The following LRRC41 variants were observed in gnomAD, a reference collection of about 807,000 sequenced individuals.
The protein encoded by LRRC41 is leucine rich repeat containing 41.
In LRRC41, 17 loss-of-function variants were observed where a neutral mutation model predicts 72.1. The observed-to-expected ratio is 0.24, with a 90% CI of 0.16 to 0.35. The LOEUF is 0.35. LRRC41 is among the 10% of genes least tolerant of loss of function. The pLI is 1.00. For missense variants in LRRC41, 759 were observed against 1,065.0 expected (o/e 0.71, Z 4.00); for synonymous variants, 427 against 431.0 (o/e 0.99, Z 0.11).
chr1:46,301,111 T>G (rs1661213238), intron 1 of LRRC41, among the ~76,000 whole-genome samples: 1 of 152,020 alleles, frequency 6.6e-6, no homozygotes, highest in South Asian at 2.1e-4. Flanking sequence ...CTTACCCCTT[T>G]TCCCTCCAAC....
At position 46,278,040 on chromosome 1, in the gene LRRC41, G is replaced by C. The variant is rs757133196; in HGVS notation, c.*825C>G. The C allele has an allele frequency of 1.2e-6, 2 of 1,614,110 alleles. No homozygotes were observed. Among genetic ancestry groups the C allele is most frequent in the South Asian group, 2.2e-5 (2 of 91,076 alleles). On this transcript the variant is annotated 3_prime_UTR_variant, in exon 10 of 10. Coordinates refer to ENST00000617190, the MANE Select transcript of LRRC41 (RefSeq NM_006369.5). ...CCCACACAGTAGGGAGATGGGATCT[G>C]TAGTGACTTCAGCTGTGCCTTCTGT...
intron 3 of LRRC41, among the ~76,000 whole-genome samples, chr1:46,289,678 G>A (rs1027105137): frequency 6.6e-6 from 1 of 152,056 alleles, no homozygotes; most frequent in African/African-American, 2.4e-5. Context: ...GGAGAATGGC[G>A]TGAACCCGGG....
chr1:46,303,555 C>T lies in LRRC41; in HGVS notation c.-233G>A. On this transcript the variant is annotated 5_prime_UTR_variant, in exon 1 of 10. Coordinates refer to ENST00000617190, the MANE Select transcript of LRRC41 (RefSeq NM_006369.5). ...AAGGGGATGTTTCTTAGCAAAGCCT[C>T]CTCGGGTGCAAACATCAGCTACCCC... 2 of 785,328 alleles carry T rather than the reference C, an allele frequency of 2.5e-6. No individual in the cohort carries two copies. Among genetic ancestry groups the T allele is most frequent in the Non-Finnish European group, 2.0e-6 (1 of 500,896 alleles). The allele number at this position is 785,328 out of a possible 1,614,324, so 48.6% of individuals were successfully genotyped here.
chr1:46,290,546 T>C (rs531948674), intron 3 of LRRC41, among the ~76,000 whole-genome samples: 38 of 152,356 alleles, frequency 2.5e-4, no homozygotes, highest in Non-Finnish European at 5.0e-4. Context: ...ATTTTTAGAA[T>C]ATTTTATTTT....
Position 46,277,661 on chromosome 1 carries a change from C to T in LRRC41, c.*1204G>A. 2 of 846,518 alleles carry T rather than the reference C, an allele frequency of 2.4e-6. No homozygotes were observed. Among genetic ancestry groups the T allele is most frequent in the East Asian group, 2.6e-5 (1 of 38,686 alleles). 52.4% of individuals were successfully genotyped at this position (846,518 alleles called of 1,614,324 possible). On this transcript the variant is annotated 3_prime_UTR_variant, in exon 10 of 10. Transcript: ENST00000617190. ...CAGGAGACAGACTGGGAAAATGGAC[C>T]TCAGCTGAGTAGAGATAATGTTCTG... is the stretch of plus-strand genomic sequence containing the variant.
At chr1:46,280,088 T>G in intron 7 of LRRC41, 104 bp downstream of exon 7, 1 of 854,478 alleles carries the variant, frequency 1.2e-6, no homozygotes, top group Non-Finnish European at 2.0e-6. Flanking sequence ...ATTTTATAGC[T>G]GAGGACACAA....
Position 46,302,704 on chromosome 1 carries a change from T to G in LRRC41, c.199+420A>C, listed in dbSNP as rs1472355530. On this transcript the variant is annotated intron_variant, in intron 1 of 9. Coordinates refer to ENST00000617190, the MANE Select transcript of LRRC41 (RefSeq NM_006369.5). The surrounding 1 kb of genome is among the most constrained non-coding windows in gnomAD (Gnocchi z 4.7). ...CCCCGGGCCTGGCCTGGCCTTGCCT[T>G]AGGCCGGGCCTCCTAACCTCGGCCC... 2.0e-6 allele frequency: 2 copies of G among 984,852 alleles called. No homozygotes were observed. The highest frequency in any genetic ancestry group is 2.4e-6 in the Non-Finnish European group (2 of 829,762). The allele number at this position is 984,852 out of a possible 1,614,324, so 61.0% of individuals were successfully genotyped here. A position where few individuals can be genotyped will look rare whatever the true frequency, so the allele number is the denominator to read the frequency against.
In LRRC41 at chr1:46,285,268, C is replaced by T; in HGVS notation, c.1495+94G>A. On this transcript the variant is annotated intron_variant, in intron 4 of 9. Transcript: ENST00000617190. This position sits in a 1 kb window ranked among gnomAD's most constrained non-coding sequence, Gnocchi z 5.3. Reference sequence around the variant, plus strand: ...TTCCTCTCTAACCTCCTGATCATACCCCCAATTTGCCCCTCCCACCTCCCT... The same window carrying T: ...TTCCTCTCTAACCTCCTGATCATACTCCCAATTTGCCCCTCCCACCTCCCT... 1 of 1,263,702 alleles carries T rather than the reference C, an allele frequency of 7.9e-7. No homozygotes were observed. Among genetic ancestry groups the T allele is most frequent in the Non-Finnish European group, 1.1e-6 (1 of 887,370 alleles). 78.3% of individuals were successfully genotyped at this position (1,263,702 alleles called of 1,614,324 possible). A position where few individuals can be genotyped will look rare whatever the true frequency, so the allele number is the denominator to read the frequency against.
In LRRC41 at chr1:46,281,211, A is replaced by G; in HGVS notation, c.1670T>C (p.Val557Ala). The G allele has an allele frequency of 6.2e-7, 1 of 1,614,216 alleles. No homozygotes were observed. The highest frequency in any genetic ancestry group is 8.5e-7 in the Non-Finnish European group (1 of 1,180,044). Residue 557 changes from valine to alanine, a missense_variant, in exon 5 of 10, where the codon GTT becomes GCT. Transcript: ENST00000617190. ...GTTGTCCCGCTGGCTTGGGTGGTCA[A>G]CACGAATAGAGAGGACCCGTAGCAG... ...LPLLRVLSIRVDHPSQRDNPG... is the reference protein window; with the variant it reads ...LPLLRVLSIRADHPSQRDNPG...
chr1:46,297,079 A>ACATTATATAC (rs1228975151), intron 3 of LRRC41: 4 of 153,526 alleles, frequency 2.6e-5, no homozygotes, highest in Admixed American at 2.6e-4. Context: ...CCTATACTAT[A>ACATTATATAC]TTTACATTAG....
At chr1:46,297,504 C>A in intron 3 of LRRC41, 59 bp downstream of exon 3, 1 of 1,369,270 alleles carries the variant, frequency 7.3e-7, no homozygotes, top group Non-Finnish European at 1.0e-6. Context: ...TGTTTGTGTG[C>A]TATTCCTGCT....
intron 3 of LRRC41, among the ~76,000 whole-genome samples, chr1:46,295,227 T>C (rs1661099344): frequency 6.6e-6 from 1 of 151,988 alleles, no homozygotes; most frequent in South Asian, 2.1e-4. Flanking sequence ...GCCCAGCCAG[T>C]TCTTTGTATT....
chr1:46,302,159 C>G lies in LRRC41; in HGVS notation c.199+965G>C, dbSNP rs1004738718. On this transcript the variant is annotated intron_variant, in intron 1 of 9. Transcript: ENST00000617190. This position sits in a 1 kb window ranked among gnomAD's most constrained non-coding sequence, Gnocchi z 4.7. ...CCATCCAGGCCCGGCCCTTTGGTCC[C>G]GGCCGCCTTCAGGCCTGGGGCCCCC... 6.1e-6 allele frequency: 6 copies of G among 985,220 alleles called. 1 individual carries two copies. The East Asian group carries it at 4.6e-4, about 75-fold the overall frequency. 61.0% of individuals were successfully genotyped at this position (985,220 alleles called of 1,614,324 possible).
rs913930562 is a variant in LRRC41, at chr1:46,303,251, C to T, written c.72G>A (p.Glu24=). ...CTGGCGCCGCCTCCCGGGACGTGGC[C>T]TCCATGGTCGTTGCCGCCGCTACCT... The part of the protein sequence containing the change: ...FCEVAAATTM[E]ATSREAAPAK... The change falls in exon 1 of 10, where the codon GAG becomes GAA. Residue 24 remains glutamate, a synonymous_variant. Coordinates refer to ENST00000617190, the MANE Select transcript of LRRC41 (RefSeq NM_006369.5). The T allele has an allele frequency of 1.9e-6, 3 of 1,550,562 alleles. No homozygotes were observed. Among genetic ancestry groups the T allele is most frequent in the Middle Eastern group, 1.7e-4 (1 of 5,944 alleles).
chr1:46,278,064 GTC>G lies in LRRC41; in HGVS notation c.*799_*800del, dbSNP rs1660671847. The G allele has an allele frequency of 1.2e-6, 2 of 1,614,154 alleles. No homozygotes were observed. Among genetic ancestry groups the G allele is most frequent in the East Asian group, 4.5e-5 (2 of 44,892 alleles). On this transcript the variant is annotated 3_prime_UTR_variant, in exon 10 of 10. Coordinates refer to ENST00000617190, the MANE Select transcript of LRRC41 (RefSeq NM_006369.5). ...TGTAGTGACTTCAGCTGTGCCTTCTGTCCCTAGGTTGCACTGCCGACGTTGTG... is the reference window on the plus strand; with the variant it reads ...TGTAGTGACTTCAGCTGTGCCTTCTGCCTAGGTTGCACTGCCGACGTTGTG...
chr1:46,279,925 A>C lies in LRRC41; in HGVS notation c.2020+267T>G, dbSNP rs958561041. Among the ~76,000 whole-genome samples, 1 of 152,092 alleles carries C rather than the reference A, an allele frequency of 6.6e-6. No individual in the cohort carries two copies. Among genetic ancestry groups the C allele is most frequent in the East Asian group, 1.9e-4 (1 of 5,190 alleles). The stretch of plus-strand genomic sequence containing the variant: ...CTATGAGGGGAGCCTGGCACAGTAC[A>C]TTTATTTTGCCCCACCACCACCATT... On this transcript the variant is annotated intron_variant, in intron 7 of 9. Coordinates refer to ENST00000617190, the MANE Select transcript of LRRC41 (RefSeq NM_006369.5). This position sits in a 1 kb window ranked among gnomAD's most constrained non-coding sequence, Gnocchi z 4.5.
In LRRC41 at chr1:46,279,999, A is replaced by G. The variant is rs553194522; in HGVS notation, c.2020+193T>C. Among the ~76,000 whole-genome samples the G allele has an allele frequency of 6.6e-6, 1 of 152,318 alleles. No homozygotes were observed. The highest frequency in any genetic ancestry group is 2.1e-4 in the South Asian group (1 of 4,832). ...GCAACTTTTGGGTGAAGCACTCTAA[A>G]AGAGCGATTTCTCATGTTTAGTAGA... is the stretch of plus-strand genomic sequence containing the variant. On this transcript the variant is annotated intron_variant, in intron 7 of 9. Transcript: ENST00000617190. This position sits in a 1 kb window ranked among gnomAD's most constrained non-coding sequence, Gnocchi z 4.5.
At chr1:46,281,432 A>C (rs1471438547) in intron 4 of LRRC41, 47 bp from the exon 5 acceptor site, 2 of 1,584,948 alleles carry the variant, frequency 1.3e-6, no homozygotes, top group Non-Finnish European at 1.7e-6. Flanking sequence ...GAGTGTCAGC[A>C]GGGGTAATAT....
At position 46,302,118 on chromosome 1, in the gene LRRC41, C is replaced by T. The variant is rs1661246001; in HGVS notation, c.199+1006G>A. 1 of 985,222 alleles carries T rather than the reference C, an allele frequency of 1.0e-6. No homozygotes were observed. The highest frequency in any genetic ancestry group is 1.7e-5 in the African/African-American group (1 of 57,240). 61.0% of individuals were successfully genotyped at this position (985,222 alleles called of 1,614,324 possible). On this transcript the variant is annotated intron_variant, in intron 1 of 9. Coordinates refer to ENST00000617190, the MANE Select transcript of LRRC41 (RefSeq NM_006369.5). The surrounding 1 kb of genome is among the most constrained non-coding windows in gnomAD (Gnocchi z 4.7). ...CGCCCTCCCCGGCCGTTCATCCCGG[C>T]GCCCCAGGCCGCCCTCCATCCAGGC...
Sources: gnomAD v4.1 joint callset for allele counts (sites outside exome capture counted in the v4.1 genomes callset) on GRCh38, gnomAD v4.1.1 for gene constraint, Gnocchi (gnomAD v3.1) non-coding constraint, MANE v1.5 for transcripts, NCBI Gene and HGNC (gene_info 2026-07-23, HGNC 2026-07-21) for gene names.